The following BCHE variants were observed in gnomAD, a reference collection of about 807,000 sequenced individuals.
BCHE encodes the protein cholinesterase.
A neutral mutation model predicts 51.3 loss-of-function variants in BCHE; 48 were observed. That is an observed-to-expected ratio of 0.94 (90% CI 0.74 to 1.19). The LOEUF is 1.19. Among genes scored for constraint, BCHE ranks in the 50% most tolerant of loss-of-function variants. The probability of loss-of-function intolerance (pLI) is 0.00; values close to 1 mark genes in which losing one functional copy is unlikely to be tolerated. For missense variants in BCHE, 847 were observed against 708.2 expected (o/e 1.20, Z -2.23); for synonymous variants, 251 against 238.0 (o/e 1.05, Z -0.50).
chr3:165,790,196 T>C (rs1713115316), intron 2 of BCHE, among the ~76,000 whole-genome samples: 1 of 152,108 alleles, frequency 6.6e-6, no homozygotes, highest in Non-Finnish European at 1.5e-5. Context: ...CTGACCTCCA[T>C]GGAGGGGAAG....
intron 2 of BCHE, among the ~76,000 whole-genome samples, chr3:165,810,353 T>C (rs901319854): frequency 6.6e-5 from 10 of 152,128 alleles, no homozygotes; most frequent in Non-Finnish European, 1.2e-4. Flanking sequence ...ACTCAAAATA[T>C]CTCAATAGAC....
chr3:165,804,718 A>C (rs1041973716), intron 2 of BCHE, among the ~76,000 whole-genome samples: 1 of 152,240 alleles, frequency 6.6e-6, no homozygotes, highest in African/African-American at 2.4e-5. Context: ...AACAGGTATA[A>C]ATATCCTTTA....
intron 2 of BCHE, among the ~76,000 whole-genome samples, chr3:165,802,412 A>G (rs1202278062): frequency 6.6e-6 from 1 of 152,152 alleles, no homozygotes; most frequent in Non-Finnish European, 1.5e-5. Context: ...TTTTGAAAGG[A>G]TTGCTCCAAC....
Position 165,830,067 on chromosome 3 carries a change from C to A in BCHE, c.967G>T (p.Asp323Tyr). 1.2e-6 allele frequency: 2 copies of A among 1,613,644 alleles called. No individual in the cohort carries two copies. Among genetic ancestry groups the A allele is most frequent in the Non-Finnish European group, 1.7e-6 (2 of 1,179,842 alleles). Reference protein sequence around the residue: ...PLSVNFGPTVDGDFLTDMPDI... With the variant: ...PLSVNFGPTVYGDFLTDMPDI... ...GGCATGTCAGTGAGAAAATCACCATCCACGGTCGGACCAAAGTTTACTGAC... is the reference window on the plus strand; with the variant it reads ...GGCATGTCAGTGAGAAAATCACCATACACGGTCGGACCAAAGTTTACTGAC... The change falls in exon 2 of 4, where the codon GAT becomes TAT. Residue 323 changes from aspartate (D) to tyrosine (Y), a missense_variant. Physicochemically the swap from Asp to Tyr is radical, Grantham distance 160. Coordinates refer to ENST00000264381, the MANE Select transcript of BCHE (RefSeq NM_000055.4).
intron 2 of BCHE, among the ~76,000 whole-genome samples, chr3:165,810,432 G>C (rs964905482): frequency 6.6e-6 from 1 of 152,120 alleles, no homozygotes; most frequent in African/African-American, 2.4e-5. Context: ...TGTGCAGATA[G>C]GCGTATTTTA....
At chr3:165,811,844 G>T (rs1309396658) in intron 2 of BCHE, among the ~76,000 whole-genome samples, 1 of 151,952 alleles carries the variant, frequency 6.6e-6, no homozygotes, top group African/African-American at 2.4e-5. Flanking sequence ...GAGTGACAAG[G>T]TAGCTAGGTG....
chr3:165,782,393 G>A (rs1033266742), intron 3 of BCHE, among the ~76,000 whole-genome samples: 2 of 152,050 alleles, frequency 1.3e-5, no homozygotes, highest in Admixed American at 6.6e-5. Flanking sequence ...GGGAATAGTC[G>A]TGGAAGGCAA....
rs749792050 is a variant in BCHE, at chr3:165,828,142, G to C, written c.1517+1375C>G. The C allele has an allele frequency of 8.6e-5, 38 of 442,934 alleles. No homozygotes were observed. In the Middle Eastern group the frequency reaches 1.0e-3, roughly 12 times the overall value. The allele number at this position is 442,934 out of a possible 1,614,324, so 27.4% of individuals were successfully genotyped here. On this transcript the variant is annotated intron_variant, in intron 2 of 3. Coordinates refer to ENST00000264381, the MANE Select transcript of BCHE (RefSeq NM_000055.4). ...AGTGAACAAGAAGTCTGAAGCAATT[G>C]CAACTCTAGGAATTAAAGAAATGTT...
intron 3 of BCHE, among the ~76,000 whole-genome samples, chr3:165,782,040 A>G (rs1712725558): frequency 6.6e-6 from 1 of 152,058 alleles, no homozygotes; most frequent in Admixed American, 6.6e-5. Flanking sequence ...TTTTAGTATA[A>G]ATTTTCAAAG....
chr3:165,802,964 A>T (rs1481093167), intron 2 of BCHE, among the ~76,000 whole-genome samples: 1 of 151,966 alleles, frequency 6.6e-6, no homozygotes, highest in East Asian at 1.9e-4. Context: ...GATGGTCTTG[A>T]TCTCCTGACC....
intron 2 of BCHE, among the ~76,000 whole-genome samples, chr3:165,797,023 C>A (rs1374017183): frequency 6.6e-6 from 1 of 152,028 alleles, no homozygotes; most frequent in Admixed American, 6.6e-5. Flanking sequence ...AGATACGAGG[C>A]AATGTTTAGC....
intron 2 of BCHE, among the ~76,000 whole-genome samples, chr3:165,798,618 C>G (rs1042642659): frequency 6.6e-6 from 1 of 152,008 alleles, no homozygotes; most frequent in African/African-American, 2.4e-5. Flanking sequence ...AAACATAAAT[C>G]TGGTGTTTTA....
At chr3:165,797,129 C>A (rs143866507) in intron 2 of BCHE, among the ~76,000 whole-genome samples, 3 of 143,894 alleles carry the variant, frequency 2.1e-5, no homozygotes, top group African/African-American at 7.7e-5. Context: ...CTTTCCCTCC[C>A]TTCCTTCCTT....
intron 2 of BCHE, among the ~76,000 whole-genome samples, chr3:165,818,324 G>T (rs1021536639): frequency 2.0e-5 from 3 of 151,938 alleles, no homozygotes; most frequent in African/African-American, 7.2e-5. Flanking sequence ...AACTTCATAA[G>T]GAGGATGAGA....
intron 2 of BCHE, among the ~76,000 whole-genome samples, chr3:165,826,519 G>A (rs937376228): frequency 1.3e-5 from 2 of 151,916 alleles, no homozygotes; most frequent in Non-Finnish European, 2.9e-5. Flanking sequence ...GAGGTGGGGG[G>A]GGACTTTATT....
intron 3 of BCHE, among the ~76,000 whole-genome samples, chr3:165,780,536 T>C (rs1462921288): frequency 1.3e-5 from 2 of 152,112 alleles, no homozygotes; most frequent in Non-Finnish European, 2.9e-5. Context: ...ATATCCAGAA[T>C]CTACAAGGAA....
intron 2 of BCHE, among the ~76,000 whole-genome samples, chr3:165,795,645 T>C (rs1285512548): frequency 6.6e-6 from 1 of 152,154 alleles, no homozygotes; most frequent in Non-Finnish European, 1.5e-5. Context: ...AGATTCATTA[T>C]AGTTTGTTCA....
At chr3:165,807,799 A>G (rs990680855) in intron 2 of BCHE, among the ~76,000 whole-genome samples, 1 of 151,890 alleles carries the variant, frequency 6.6e-6, no homozygotes, top group Non-Finnish European at 1.5e-5. Flanking sequence ...CCTGACCTCA[A>G]GTGGCCCACC....
chr3:165,819,415 T>A (rs1253603156), intron 2 of BCHE, among the ~76,000 whole-genome samples: 2 of 151,994 alleles, frequency 1.3e-5, no homozygotes, highest in East Asian at 3.9e-4. Context: ...TTTCAACATT[T>A]TTAGAATTAA....
Sources: gnomAD v4.1 joint callset for allele counts (sites outside exome capture counted in the v4.1 genomes callset) on GRCh38, gnomAD v4.1.1 for gene constraint, MANE v1.5 for transcripts, NCBI Gene and HGNC (gene_info 2026-07-23, HGNC 2026-07-21) for gene names.